Variants in NSUN3 observed in about 807,000 individuals in gnomAD.
The protein encoded by NSUN3 is NOP2/Sun RNA methyltransferase 3.
Under a neutral mutation model 36.8 loss-of-function variants are expected in NSUN3, and 24 were observed. The observed-to-expected ratio is 0.65, with a 90% CI of 0.47 to 0.92. The LOEUF is 0.92. NSUN3 is among the 40% of genes least tolerant of loss of function. The probability of loss-of-function intolerance (pLI) is 0.00; values close to 1 mark genes in which losing one functional copy is unlikely to be tolerated. For synonymous variants in NSUN3, 146 were observed against 145.2 expected (o/e 1.01, Z -0.04); for missense variants, 381 against 392.8 (o/e 0.97, Z 0.25).
At chr3:94,074,072 C>A (rs534978150) in intron 2 of NSUN3, among the ~76,000 whole-genome samples, 76 of 152,212 alleles carry the variant, frequency 5.0e-4, no homozygotes, top group South Asian at 3.7e-3. Flanking sequence ...TTCCCCATTT[C>A]TTGTTTTTGT....
intron 5 of NSUN3, among the ~76,000 whole-genome samples, chr3:94,096,304 C>T (rs569669740): frequency 9.2e-5 from 14 of 152,252 alleles, no homozygotes; most frequent in African/African-American, 3.1e-4. Context: ...CTTTTCTGAA[C>T]ATTTCAGCAG....
At chr3:94,094,088 A>T in intron 3 of NSUN3, 52 bp from the exon 4 acceptor site, 1 of 1,360,380 alleles carries the variant, frequency 7.4e-7, no homozygotes, top group Non-Finnish European at 1.0e-6. Flanking sequence ...AAAAGTAGAA[A>T]TTTAACAGTT....
intron 1 of NSUN3, 166 bp from the exon 2 acceptor site, chr3:94,064,271 A>G (rs925560123): frequency 1.8e-5 from 10 of 564,688 alleles, no homozygotes; most frequent in African/African-American, 1.7e-4. Context: ...CTTTTTCATA[A>G]TTAGATAATG....
At chr3:94,112,613 C>T (rs760416567) in intron 5 of NSUN3, among the ~76,000 whole-genome samples, 97 of 152,314 alleles carry the variant, frequency 6.4e-4, no homozygotes, top group Non-Finnish European at 1.1e-3. Flanking sequence ...GCTGTTTAAT[C>T]TGCATTGCAA....
chr3:94,096,822 C>T (rs1415430402), intron 5 of NSUN3, among the ~76,000 whole-genome samples: 1 of 152,106 alleles, frequency 6.6e-6, no homozygotes, highest in Admixed American at 6.6e-5. Context: ...ATTATTCCTG[C>T]TACACCAGCC....
At chr3:94,113,462 A>T (rs114533348) in intron 5 of NSUN3, among the ~76,000 whole-genome samples, 1 of 152,236 alleles carries the variant, frequency 6.6e-6, no homozygotes. Context: ...CGTCAGGTAA[A>T]AAAGGAAATG....
rs1243275365 is a variant in NSUN3 at position 94,073,572 on chromosome 3, CAT to C, written c.122+9029_122+9030del. Among the ~76,000 whole-genome samples, 4 of 152,098 alleles carry C rather than the reference CAT, an allele frequency of 2.6e-5. No individual in the cohort carries two copies. In the East Asian group the frequency reaches 5.8e-4, roughly 22 times the overall value. Reference sequence around the variant, plus strand: ...TGACCAGTGATGATGAGCATTTTTTCATATGTTTGTTGGCTGCATAAATGTCT... The same window carrying C: ...TGACCAGTGATGATGAGCATTTTTTCATGTTTGTTGGCTGCATAAATGTCT... On this transcript the variant is annotated intron_variant, in intron 2 of 5. Transcript: ENST00000314622.
intron 3 of NSUN3, among the ~76,000 whole-genome samples, chr3:94,092,788 C>T (rs963652496): frequency 2.8e-4 from 42 of 151,638 alleles, no homozygotes; most frequent in Admixed American, 2.2e-3. Flanking sequence ...GACGTGGTGA[C>T]GCACACCTGT....
chr3:94,070,921 G>T (rs1445171446), intron 2 of NSUN3, among the ~76,000 whole-genome samples: 1 of 152,170 alleles, frequency 6.6e-6, no homozygotes, highest in Non-Finnish European at 1.5e-5. Flanking sequence ...TTTGATGATA[G>T]GTTGCTAAGT....
At chr3:94,076,847 C>G (rs2077248541) in intron 2 of NSUN3, 1 of 1,571,904 alleles carries the variant, frequency 6.4e-7, no homozygotes, top group Non-Finnish European at 8.7e-7. Flanking sequence ...ACTAACTGAA[C>G]CAAAACCTCC....
chr3:94,087,712 T>C (rs2077297456), intron 3 of NSUN3, among the ~76,000 whole-genome samples: 1 of 152,176 alleles, frequency 6.6e-6, no homozygotes, highest in Non-Finnish European at 1.5e-5. Context: ...GCTCTGTTGC[T>C]CAGGCTGGAG....
At chr3:94,111,616 TA>T (rs1282051318) in intron 5 of NSUN3, among the ~76,000 whole-genome samples, 8 of 152,220 alleles carry the variant, frequency 5.3e-5, no homozygotes, top group African/African-American at 1.9e-4. Context: ...ACTTTTTTGT[TA>T]AAAACTAAGA....
rs992519305 is a variant in NSUN3 at position 94,127,529 on chromosome 3, T to C, written c.*1039T>C. The C allele has an allele frequency of 6.6e-6, 1 of 152,216 alleles. No individual in the cohort carries two copies. 9.4% of individuals were successfully genotyped at this position (152,216 alleles called of 1,614,324 possible). A position where few individuals can be genotyped will look rare whatever the true frequency, so the allele number is the denominator to read the frequency against. On this transcript the variant is annotated 3_prime_UTR_variant, in exon 6 of 6. Coordinates refer to ENST00000314622, the MANE Select transcript of NSUN3 (RefSeq NM_022072.5). ...TTACATAAATCCTGGGAATACTGTATACATTTCTTCTTATGTACTTAGGGT... is the reference window on the plus strand; with the variant it reads ...TTACATAAATCCTGGGAATACTGTACACATTTCTTCTTATGTACTTAGGGT...
chr3:94,071,982 G>T (rs1468469210), intron 2 of NSUN3, among the ~76,000 whole-genome samples: 1 of 152,162 alleles, frequency 6.6e-6, no homozygotes, highest in East Asian at 1.9e-4. Flanking sequence ...GAGGTCAGTG[G>T]CAGGTGTGTG....
rs1380109987 is a variant in NSUN3 at position 94,126,785 on chromosome 3, G to A, written c.*295G>A. On this transcript the variant is annotated 3_prime_UTR_variant, in exon 6 of 6. Coordinates refer to ENST00000314622, the MANE Select transcript of NSUN3 (RefSeq NM_022072.5). Reference sequence around the variant, plus strand: ...AATTAATTAGAATATGTGGTTTTATGCATAACGTGTTTAGTTCTGTATTCT... The same window carrying A: ...AATTAATTAGAATATGTGGTTTTATACATAACGTGTTTAGTTCTGTATTCT... 5.9e-5 allele frequency: 15 copies of A among 255,196 alleles called. No homozygotes were observed. The highest frequency in any genetic ancestry group is 2.9e-4 in the Admixed American group (6 of 20,580). The allele number at this position is 255,196 out of a possible 1,614,324, so 15.8% of individuals were successfully genotyped here.
intron 2 of NSUN3, among the ~76,000 whole-genome samples, chr3:94,082,567 G>T (rs1329188200): frequency 6.6e-6 from 1 of 152,170 alleles, no homozygotes; most frequent in Non-Finnish European, 1.5e-5. Context: ...CCAGTCGCAG[G>T]TGTTACATTT....
chr3:94,064,291 G>A, intron 1 of NSUN3, 146 bp from the exon 2 acceptor site: 1 of 601,494 alleles, frequency 1.7e-6, no homozygotes. Context: ...GTACAGTTTT[G>A]GTACATGTAA....
At position 94,096,568 on chromosome 3, in the gene NSUN3, C is replaced by T. The variant is rs193007280; in HGVS notation, c.743+1414C>T. On this transcript the variant is annotated intron_variant, in intron 5 of 5. Coordinates refer to ENST00000314622, the MANE Select transcript of NSUN3 (RefSeq NM_022072.5). ...GACTGTAGTGCAGTGGTGTGATCCC[C>T]GCTCACTCCAACATCTACCTCCTGG... Among the ~76,000 whole-genome samples the T allele has an allele frequency of 5.3e-5, 8 of 152,052 alleles. 1 individual carries two copies. Among genetic ancestry groups the T allele is most frequent in the Admixed American group, 3.3e-4 (5 of 15,246 alleles).
intron 5 of NSUN3, among the ~76,000 whole-genome samples, chr3:94,095,898 CA>C (rs1268586328): frequency 6.6e-6 from 1 of 150,396 alleles, no homozygotes; most frequent in Admixed American, 6.7e-5. Flanking sequence ...AGGTGTGCGC[CA>C]CCAAGCCTAG....
Sources: gnomAD v4.1 joint callset for allele counts (sites outside exome capture counted in the v4.1 genomes callset) on GRCh38, gnomAD v4.1.1 for gene constraint, MANE v1.5 for transcripts, NCBI Gene and HGNC (gene_info 2026-07-23, HGNC 2026-07-21) for gene names.